CREBZF: variants seen among roughly 807,000 people sequenced by gnomAD.
CREBZF encodes CREB/ATF bZIP transcription factor.
Under a neutral mutation model 21.1 loss-of-function variants are expected in CREBZF, and 8 were observed. That is an observed-to-expected ratio of 0.38 (90% confidence interval 0.22 to 0.68). CREBZF has a LOEUF of 0.68. CREBZF is among the 30% of genes least tolerant of loss of function. CREBZF has a pLI of 0.51. For missense variants in CREBZF, 518 were observed against 484.3 expected (o/e 1.07, Z -0.65); for synonymous variants, 270 against 223.3 (o/e 1.21, Z -1.86).
chr11:85,680,332 A>G (rs1479512348), intron 1 of CREBZF, among the ~76,000 whole-genome samples: 1 of 152,180 alleles, frequency 6.6e-6, no homozygotes, highest in Non-Finnish European at 1.5e-5. Flanking sequence ...CCTGTTCCCT[A>G]TTGATGGTAT....
chr11:85,675,775 G>A (rs975576636), intron 1 of CREBZF, among the ~76,000 whole-genome samples: 2 of 152,146 alleles, frequency 1.3e-5, no homozygotes, highest in Non-Finnish European at 2.9e-5. Flanking sequence ...AGAGACGAGG[G>A]TGCTCATTTT....
In CREBZF at chr11:85,664,967, G is replaced by A; in HGVS notation, c.-92C>T. The stretch of plus-strand genomic sequence containing the variant: ...CCAGGCCCCAGGGCGGGTAGCCCCC[G>A]GCACTGGCCGAAACGAAATGCAGGG... On this transcript the variant is annotated 5_prime_UTR_variant, in exon 1 of 1. Coordinates refer to ENST00000527447, the MANE Select transcript of CREBZF (RefSeq NM_001039618.4). This position sits in a 1 kb window ranked among gnomAD's most constrained non-coding sequence, Gnocchi z 5.5. 1.1e-6 allele frequency: 1 copy of A among 885,306 alleles called. No individual in the cohort carries two copies. The highest frequency in any genetic ancestry group is 1.6e-6 in the Non-Finnish European group (1 of 638,732). The allele number at this position is 885,306 out of a possible 1,614,324, so 54.8% of individuals were successfully genotyped here.
At chr11:85,669,265 G>A (rs1013099767), upstream of CREBZF, among the ~76,000 whole-genome samples, 2 of 151,866 alleles carry the variant, frequency 1.3e-5, no homozygotes, top group East Asian at 1.9e-4. Context: ...ATATTGGGGA[G>A]GCAGTTTGAA....
rs954684507 is a variant in CREBZF at position 85,664,640 on chromosome 11, G to T, written c.236C>A (p.Ser79Tyr). The T allele has an allele frequency of 2.5e-6, 4 of 1,609,296 alleles. No individual in the cohort carries two copies. The highest frequency in any genetic ancestry group is 2.7e-5 in the African/African-American group (2 of 74,856). Residue 79 changes from serine to tyrosine, a missense_variant, in exon 1 of 1, where the codon TCC becomes TAC. Transcript: ENST00000527447. The surrounding 1 kb of genome is among the most constrained non-coding windows in gnomAD (Gnocchi z 5.5). ...SRGGVAVRAP[S>Y]PEEMEEEAIA... ...CGCCTCCTCCTCCATCTCCTCGGGG[G>T]AGGGCGCGCGCACGGCCACGCCGCC... is the stretch of plus-strand genomic sequence containing the variant.
At position 85,662,540 on chromosome 11, in the gene CREBZF, C is replaced by G. The variant is rs1257945083; in HGVS notation, c.*1271G>C. On this transcript the variant is annotated 3_prime_UTR_variant, in exon 1 of 1. Coordinates refer to ENST00000527447, the MANE Select transcript of CREBZF (RefSeq NM_001039618.4). Reference sequence around the variant, plus strand: ...TGTTTCACAAAGAATTTCTTAATGCCTCTTACACTGAAGGACACCATAATT... The same window carrying G: ...TGTTTCACAAAGAATTTCTTAATGCGTCTTACACTGAAGGACACCATAATT... The G allele has an allele frequency of 6.0e-6, 4 of 661,368 alleles. No individual in the cohort carries two copies. The highest frequency in any genetic ancestry group is 5.4e-5 in the African/African-American group (3 of 55,692). 41.0% of individuals were successfully genotyped at this position (661,368 alleles called of 1,614,324 possible).
rs1000947660 is a variant in CREBZF, at chr11:85,659,039, C to CAT, written c.*4771_*4772insAT. On this transcript the variant is annotated 3_prime_UTR_variant, in exon 1 of 1. Coordinates refer to ENST00000527447, the MANE Select transcript of CREBZF (RefSeq NM_001039618.4). ...TCTGAAAAATACTGTGCTGGCCACA[C>CAT]AACACTACAAATTTCTAATGGAAGA... Among the ~76,000 whole-genome samples the CAT allele has an allele frequency of 3.9e-5, 6 of 151,972 alleles. No individual in the cohort carries two copies. Among genetic ancestry groups the CAT allele is most frequent in the African/African-American group, 1.4e-4 (6 of 41,422 alleles).
At chr11:85,672,788 A>G (rs1211490942) in intron 1 of CREBZF, among the ~76,000 whole-genome samples, 1 of 152,230 alleles carries the variant, frequency 6.6e-6, no homozygotes, top group Admixed American at 6.5e-5. Context: ...CTAGCCTCAG[A>G]GATGATGTAC....
chr11:85,671,989 T>C (rs956397597), intron 1 of CREBZF, among the ~76,000 whole-genome samples: 1 of 152,204 alleles, frequency 6.6e-6, no homozygotes, highest in East Asian at 1.9e-4. Context: ...CTAGCAGAGG[T>C]TCTCCATGGG....
chr11:85,673,079 G>A (rs1171427765), intron 1 of CREBZF, among the ~76,000 whole-genome samples: 10 of 152,142 alleles, frequency 6.6e-5, no homozygotes, highest in Admixed American at 4.6e-4. Context: ...GTTTGCTTTT[G>A]TGTTTCTTTT....
chr11:85,665,030 G>T lies in CREBZF; in HGVS notation c.-155C>A, dbSNP rs747335109. 4.6e-4 allele frequency: 227 copies of T among 488,918 alleles called. 1 individual carries two copies. Among genetic ancestry groups the T allele is most frequent in the Non-Finnish European group, 6.9e-4 (202 of 293,308 alleles). The allele number at this position is 488,918 out of a possible 1,614,324, so 30.3% of individuals were successfully genotyped here. ...CGCCTCCCGCCTCACTTGGCTAGTC[G>T]ACCCCCCGCGCCAAGGCGCGGGGAG... is the stretch of plus-strand genomic sequence containing the variant. On this transcript the variant is annotated 5_prime_UTR_variant, in exon 1 of 1. Transcript: ENST00000527447.
Position 85,664,582 on chromosome 11 carries a change from A to G in CREBZF, c.294T>C (p.Asp98=). 1 of 1,613,678 alleles carries G rather than the reference A, an allele frequency of 6.2e-7. No individual in the cohort carries two copies. Among genetic ancestry groups the G allele is most frequent in the Non-Finnish European group, 8.5e-7 (1 of 1,179,930 alleles). The part of the protein sequence containing the change: ...IASLPGEETE[D]MDFLSGLELA... Reference sequence around the variant, plus strand: ...GTTCCAGCCCAGACAGAAAGTCCATATCCTCCGTCTCTTCCCCCGGGAGGC... The same window carrying G: ...GTTCCAGCCCAGACAGAAAGTCCATGTCCTCCGTCTCTTCCCCCGGGAGGC... Residue 98 remains aspartate, a synonymous_variant, in exon 1 of 1, where the codon GAT becomes GAC. Transcript: ENST00000527447. This position sits in a 1 kb window ranked among gnomAD's most constrained non-coding sequence, Gnocchi z 5.5.
upstream of CREBZF, among the ~76,000 whole-genome samples, chr11:85,665,975 A>G (rs1191598583): frequency 6.6e-6 from 1 of 152,230 alleles, no homozygotes; most frequent in Non-Finnish European, 1.5e-5. Flanking sequence ...TGCCTGTCCA[A>G]CCTTTAACTG....
At position 85,660,477 on chromosome 11, in the gene CREBZF, T is replaced by A. The variant is rs1035473775; in HGVS notation, c.*3334A>T. 6.6e-5 allele frequency: 26 copies of A among 396,402 alleles called. No individual in the cohort carries two copies. In the Admixed American group the frequency reaches 8.8e-4, roughly 13 times the overall value. 24.6% of individuals were successfully genotyped at this position (396,402 alleles called of 1,614,324 possible). A position where few individuals can be genotyped will look rare whatever the true frequency, so the allele number is the denominator to read the frequency against. Reference sequence around the variant, plus strand: ...TAATTTGGGAACTTGAAAATGGCATTCATTTTTTTCAGCAGATGCCAAATT... The same window carrying A: ...TAATTTGGGAACTTGAAAATGGCATACATTTTTTTCAGCAGATGCCAAATT... On this transcript the variant is annotated 3_prime_UTR_variant, in exon 1 of 1. Coordinates refer to ENST00000527447, the MANE Select transcript of CREBZF (RefSeq NM_001039618.4).
chr11:85,665,235 T>C (rs960943654), upstream of CREBZF: 25 of 263,454 alleles, frequency 9.5e-5, no homozygotes, highest in Admixed American at 4.9e-4. Context: ...AGCTTTCTAG[T>C]GATGTCATAA....
chr11:85,682,664 G>A (rs2082984812), intron 1 of CREBZF: 2 of 536,784 alleles, frequency 3.7e-6, no homozygotes, highest in South Asian at 3.9e-5. Context: ...AGTCCCTGGA[G>A]CCCACTCCCC....
Position 85,660,826 on chromosome 11 carries a change from G to T in CREBZF, c.*2985C>A. Reference sequence around the variant, plus strand: ...TAGTTCAATTAATGTATGAACTCCTGCCACCATCAAAAGACAAATATTAAA... The same window carrying T: ...TAGTTCAATTAATGTATGAACTCCTTCCACCATCAAAAGACAAATATTAAA... On this transcript the variant is annotated 3_prime_UTR_variant, in exon 1 of 1. Transcript: ENST00000527447. 2 of 227,210 alleles carry T rather than the reference G, an allele frequency of 8.8e-6. No individual in the cohort carries two copies. The highest frequency in any genetic ancestry group is 1.5e-4 in the East Asian group (1 of 6,660). The allele number at this position is 227,210 out of a possible 1,614,324, so 14.1% of individuals were successfully genotyped here. A position where few individuals can be genotyped will look rare whatever the true frequency, so the allele number is the denominator to read the frequency against.
intron 1 of CREBZF, among the ~76,000 whole-genome samples, chr11:85,674,719 T>C (rs990988343): frequency 6.6e-6 from 1 of 152,250 alleles, no homozygotes; most frequent in African/African-American, 2.4e-5. Flanking sequence ...TGTTGTTTAG[T>C]GTAGCTACCT....
At chr11:85,676,223 A>G (rs2082941389) in intron 1 of CREBZF, among the ~76,000 whole-genome samples, 1 of 152,212 alleles carries the variant, frequency 6.6e-6, no homozygotes, top group African/African-American at 2.4e-5. Context: ...TTGAGCATGA[A>G]AGATTTGGAA....
Position 85,663,905 on chromosome 11 carries a change from G to T in CREBZF, c.971C>A (p.Ala324Glu). 6.2e-7 allele frequency: 1 copy of T among 1,613,302 alleles called. No homozygotes were observed. Among genetic ancestry groups the T allele is most frequent in the Non-Finnish European group, 8.5e-7 (1 of 1,179,992 alleles). Residue 324 changes from alanine to glutamate, a missense_variant, in exon 1 of 1, where the codon GCG becomes GAG. This residue lies in a region of CREBZF where 114 missense variants were observed against 134.1 expected (regional missense o/e 0.85). Transcript: ENST00000527447. ...GTCCACATGGAGACAGACTCCTCCC[G>T]CCGAGTCGTCCTCTTCCAGCAGGTC... is the stretch of plus-strand genomic sequence containing the variant. The part of the protein sequence containing the change: ...KQDLLEEDDS[A>E]GGVCLHVDKD...
Sources: allele counts gnomAD v4.1 joint callset (sites outside exome capture counted in the v4.1 genomes callset), GRCh38; gene constraint gnomAD v4.1.1; regional missense constraint gnomAD v4.1.1; non-coding constraint Gnocchi (gnomAD v3.1); transcripts MANE v1.5; gene names NCBI Gene and HGNC (gene_info 2026-07-23, HGNC 2026-07-21).